The following TMEM80 variants were observed in gnomAD, a reference collection of about 807,000 sequenced individuals.
The protein encoded by TMEM80 is transmembrane protein 80.
TMEM80 carries 16 observed loss-of-function variants against 13.6 expected under a neutral mutation model. The ratio of observed to expected loss-of-function variants is 1.17; its 90% CI spans 0.79 to 1.78. The LOEUF is 1.78. Among genes scored for constraint, TMEM80 ranks in the 40% most tolerant of loss-of-function variants. The pLI is 0.00. For missense variants in TMEM80, 167 were observed against 184.6 expected, an observed-to-expected ratio of 0.90 and a Z score of 0.55; for synonymous variants, 92 against 89.5, an observed-to-expected ratio of 1.03 and a Z score of -0.16.
Position 703,599 on chromosome 11 carries a change from G to C in TMEM80, c.*449G>C. ...TTCTGAGATCCCAGTTTACTCCGTG[G>C]CCAGGCCCCACCTGTGTTTCCAAGT... On this transcript the variant is annotated 3_prime_UTR_variant, in exon 5 of 5. Transcript: ENST00000397510. The C allele has an allele frequency of 8.1e-7, 1 of 1,233,020 alleles. No individual in the cohort carries two copies. Among genetic ancestry groups the C allele is most frequent in the Non-Finnish European group, 1.0e-6 (1 of 988,786 alleles). The allele number at this position is 1,233,020 out of a possible 1,614,324, so 76.4% of individuals were successfully genotyped here. A position where few individuals can be genotyped will look rare whatever the true frequency, so the allele number is the denominator to read the frequency against.
chr11:703,656 G>A lies in TMEM80; in HGVS notation c.*506G>A. 3 of 1,232,748 alleles carry A rather than the reference G, an allele frequency of 2.4e-6. No homozygotes were observed. Among genetic ancestry groups the A allele is most frequent in the Non-Finnish European group, 3.0e-6 (3 of 988,656 alleles). 76.4% of individuals were successfully genotyped at this position (1,232,748 alleles called of 1,614,324 possible). ...GGAGACGCAGGATGGGGTAGGCCTT[G>A]TGCTCTGAGCAACCCCAGCTCTGCC... On this transcript the variant is annotated 3_prime_UTR_variant, in exon 5 of 5. Coordinates refer to ENST00000397510, the MANE Select transcript of TMEM80 (RefSeq NM_001042463.3).
chr11:700,907 TG>T (rs2133466354), intron 4 of TMEM80, 200 bp downstream of exon 4: 1 of 617,698 alleles, frequency 1.6e-6, no homozygotes, highest in Non-Finnish European at 2.9e-6. Context: ...CAAATAACAC[TG>T]GGGGCATCGT....
intron 4 of TMEM80, among the ~76,000 whole-genome samples, chr11:701,379 T>TG (rs1274772117): frequency 5.3e-5 from 8 of 150,174 alleles, no homozygotes; most frequent in African/African-American, 1.7e-4. Flanking sequence ...TGTTTTGTTT[T>TG]TTTTTGGTAG....
At position 703,285 on chromosome 11, in the gene TMEM80, C is replaced by T. The variant is rs1023035956; in HGVS notation, c.*135C>T. 2 of 1,438,590 alleles carry T rather than the reference C, an allele frequency of 1.4e-6. No individual in the cohort carries two copies. Among genetic ancestry groups the T allele is most frequent in the South Asian group, 1.6e-5 (1 of 63,642 alleles). 89.1% of individuals were successfully genotyped at this position (1,438,590 alleles called of 1,614,324 possible). A position where few individuals can be genotyped will look rare whatever the true frequency, so the allele number is the denominator to read the frequency against. ...GGCCATAGATGGTTTTGGATGGTTC[C>T]ATCTGTTCTGGCAGGAGTGGGAGCA... On this transcript the variant is annotated 3_prime_UTR_variant, in exon 5 of 5. Transcript: ENST00000397510.
At position 703,163 on chromosome 11, in the gene TMEM80, G is replaced by A. The variant is rs781573311; in HGVS notation, c.*13G>A. Reference sequence around the variant, plus strand: ...CTTCACCAGGTAGCTACGGACACCCGGGATACCCCACACTGGGGCCCTCCT... The same window carrying A: ...CTTCACCAGGTAGCTACGGACACCCAGGATACCCCACACTGGGGCCCTCCT... On this transcript the variant is annotated 3_prime_UTR_variant, in exon 5 of 5. Transcript: ENST00000397510. 8.2e-6 allele frequency: 13 copies of A among 1,593,954 alleles called. No individual in the cohort carries two copies. The highest frequency in any genetic ancestry group is 2.2e-5 in the South Asian group (2 of 89,480).
chr11:703,836 TG>T lies in TMEM80; in HGVS notation c.*687del. ...GAGAGGTCAGGGCTAAGGCCGGGGA[TG>T]AGACTGCAGGAGAGAGAGCAGCGGA... On this transcript the variant is annotated 3_prime_UTR_variant, in exon 5 of 5. Coordinates refer to ENST00000397510, the MANE Select transcript of TMEM80 (RefSeq NM_001042463.3). 1.6e-6 allele frequency: 2 copies of T among 1,234,996 alleles called. No homozygotes were observed. The highest frequency in any genetic ancestry group is 2.0e-6 in the Non-Finnish European group (2 of 990,322). 76.5% of individuals were successfully genotyped at this position (1,234,996 alleles called of 1,614,324 possible). A position where few individuals can be genotyped will look rare whatever the true frequency, so the allele number is the denominator to read the frequency against.
chr11:698,594 G>A (rs1188875430), intron 1 of TMEM80, among the ~76,000 whole-genome samples: 1 of 152,122 alleles, frequency 6.6e-6, no homozygotes, highest in African/African-American at 2.4e-5. Context: ...GGGCCAGCTG[G>A]GTCTGGCCCA....
chr11:704,598 G>A, downstream of TMEM80: 2 of 1,264,846 alleles, frequency 1.6e-6, no homozygotes, highest in Non-Finnish European at 2.1e-6. Context: ...ATGCAGACCA[G>A]GGAAGGACCC....
chr11:703,558 A>G lies in TMEM80; in HGVS notation c.*408A>G, dbSNP rs750784229. Reference sequence around the variant, plus strand: ...TCCCCCATCACCCCCTAGTTCCCCAATGGTCCTAATTTGTGTTCTGAGATC... The same window carrying G: ...TCCCCCATCACCCCCTAGTTCCCCAGTGGTCCTAATTTGTGTTCTGAGATC... On this transcript the variant is annotated 3_prime_UTR_variant, in exon 5 of 5. Coordinates refer to ENST00000397510, the MANE Select transcript of TMEM80 (RefSeq NM_001042463.3). 462 of 1,232,972 alleles carry G rather than the reference A, an allele frequency of 3.7e-4. No individual in the cohort carries two copies. The highest frequency in any genetic ancestry group is 8.5e-4 in the African/African-American group (55 of 64,392). 76.4% of individuals were successfully genotyped at this position (1,232,972 alleles called of 1,614,324 possible).
chr11:703,140 TCAC>T lies in TMEM80; in HGVS notation c.425_427del (p.Thr142del), dbSNP rs749146286. 5.6e-6 allele frequency: 9 copies of T among 1,605,728 alleles called. No homozygotes were observed. Among genetic ancestry groups the T allele is most frequent in the Non-Finnish European group, 7.7e-6 (9 of 1,174,844 alleles). ...CTGCAGGTGGTTGCCATCGCGGCCTTCACCAGGTAGCTACGGACACCCGGGATA... is the reference window on the plus strand; with the variant it reads ...CTGCAGGTGGTTGCCATCGCGGCCTTCAGGTAGCTACGGACACCCGGGATA... On this transcript the variant is annotated inframe_deletion, in exon 5 of 5. Transcript: ENST00000397510.
In TMEM80 at chr11:700,251, G is replaced by A. The variant is rs1345544236; in HGVS notation, c.133+16G>A. 6.2e-7 allele frequency: 1 copy of A among 1,605,604 alleles called. No homozygotes were observed. Among genetic ancestry groups the A allele is most frequent in the East Asian group, 2.2e-5 (1 of 44,844 alleles). On this transcript the variant is annotated intron_variant, in intron 3 of 4. Coordinates refer to ENST00000397510, the MANE Select transcript of TMEM80 (RefSeq NM_001042463.3). ...ACGTATAAAAGTAAGTCAGGGACGG[G>A]CACAGTGGCTCACGCCTGTAATCCC...
intron 4 of TMEM80, among the ~76,000 whole-genome samples, chr11:701,886 C>T (rs1387718327): frequency 1.3e-5 from 2 of 152,182 alleles, no homozygotes; most frequent in African/African-American, 4.8e-5. Context: ...CATGGAAATT[C>T]GCCCTCCCCA....
At chr11:695,788 C>T (rs1040465767), upstream of TMEM80, 115 of 1,236,370 alleles carry the variant, frequency 9.3e-5, no homozygotes, top group Non-Finnish European at 1.2e-4. Context: ...GGCCGAGAGG[C>T]TGCCGGGATC....
rs1477854886 is a variant in TMEM80 at position 700,211 on chromosome 11, A to G, written c.109A>G (p.Thr37Ala). Residue 37 changes from threonine (T) to alanine (A), a missense_variant, in exon 3 of 5, where the codon ACG becomes GCG. Coordinates refer to ENST00000397510, the MANE Select transcript of TMEM80 (RefSeq NM_001042463.3). The stretch of plus-strand genomic sequence containing the variant: ...GTACTACGCCCTGTATTTCCTCGCC[A>G]CGCTCCTGATGATCACGTATAAAAG... Reference protein sequence around the residue: ...GTYYALYFLATLLMITYKSQV... With the variant: ...GTYYALYFLAALLMITYKSQV... 2 of 1,613,982 alleles carry G rather than the reference A, an allele frequency of 1.2e-6. No individual in the cohort carries two copies. The highest frequency in any genetic ancestry group is 2.7e-5 in the African/African-American group (2 of 75,036).
chr11:697,907 T>G (rs1336195515), intron 1 of TMEM80: 1 of 152,188 alleles, frequency 6.6e-6, no homozygotes, highest in Non-Finnish European at 1.5e-5. Context: ...TTCCACAAAC[T>G]CTGGCACAGA....
At position 703,244 on chromosome 11, in the gene TMEM80, A is replaced by G; in HGVS notation, c.*94A>G. ...CTCCCCATTCCTGGACAGGAAGGGC[A>G]CTTTTCCTAGTGACTGGCCATAGAT... On this transcript the variant is annotated 3_prime_UTR_variant, in exon 5 of 5. Transcript: ENST00000397510. 6.8e-7 allele frequency: 1 copy of G among 1,462,686 alleles called. No homozygotes were observed. The highest frequency in any genetic ancestry group is 2.5e-5 in the East Asian group (1 of 39,920). The allele number at this position is 1,462,686 out of a possible 1,614,324, so 90.6% of individuals were successfully genotyped here. A position where few individuals can be genotyped will look rare whatever the true frequency, so the allele number is the denominator to read the frequency against.
At chr11:702,832 G>A in intron 4 of TMEM80, 113 bp from the exon 5 acceptor site, 1 of 1,042,060 alleles carries the variant, frequency 9.6e-7, no homozygotes, top group Non-Finnish European at 1.4e-6. Context: ...AGGCCCCGGA[G>A]GAACGTAGGG....
intron 4 of TMEM80, among the ~76,000 whole-genome samples, chr11:701,705 G>A (rs535833221): frequency 2.0e-5 from 3 of 152,186 alleles, no homozygotes; most frequent in East Asian, 1.9e-4. Context: ...CACCGCGCCC[G>A]GCCGGAGACA....
At chr11:704,712 G>C, downstream of TMEM80, 1 of 1,218,688 alleles carries the variant, frequency 8.2e-7, no homozygotes, top group South Asian at 1.3e-5. Context: ...CACAGGGAAC[G>C]CCATGGCTCC....
Sources: allele counts gnomAD v4.1 joint callset (sites outside exome capture counted in the v4.1 genomes callset), GRCh38; gene constraint gnomAD v4.1.1; transcripts MANE v1.5; gene names NCBI Gene and HGNC (gene_info 2026-07-23, HGNC 2026-07-21).